Variants in PAX2 observed in about 807,000 individuals in gnomAD.
PAX2 encodes the protein paired box protein Pax-2.
A neutral mutation model predicts 41.7 loss-of-function variants in PAX2; 9 were observed. The observed-to-expected ratio is 0.22, with a 90% CI of 0.13 to 0.38. The LOEUF is 0.38. Among genes scored for constraint, PAX2 ranks in the 10% least tolerant of loss-of-function variants. PAX2 has a pLI of 1.00. For missense variants in PAX2, 418 were observed against 531.6 expected, an observed-to-expected ratio of 0.79 and a Z score of 2.10; for synonymous variants, 221 against 212.7, an observed-to-expected ratio of 1.04 and a Z score of -0.34.
At chr10:100,742,843 C>CTTTTTTTTTTTTTTTTTTTTTTTT (rs61627823), upstream of PAX2, among the ~76,000 whole-genome samples, 20 of 41,258 alleles carry the variant, frequency 4.8e-4, 8 homozygotes, top group South Asian at 1.1e-3. Flanking sequence ...TTCTTTCTTC[C>CTTTTTTTTTTTTTTTTTTTTTTTT]TTTTTTTTTT....
chr10:100,800,273 C>CTTTTTTTTT (rs59487758), intron 5 of PAX2, among the ~76,000 whole-genome samples: 19 of 108,386 alleles, frequency 1.8e-4, no homozygotes, highest in Non-Finnish European at 2.6e-4. Flanking sequence ...TCTTTTCTTT[C>CTTTTTTTTT]TTTTTTTTTT....
chr10:100,826,940 A>G lies in PAX2; in HGVS notation c.1022-69A>G. On this transcript the variant is annotated intron_variant, in intron 8 of 9. Coordinates refer to ENST00000355243, the MANE Select transcript of PAX2 (RefSeq NM_000278.5). This position sits in a 1 kb window ranked among gnomAD's most constrained non-coding sequence, Gnocchi z 5.5. ...GGCGGGAGGAGCGGGCGGAGAAGCC[A>G]CCGGCCGGACTCGTGGGGTCCGCCC... 9.3e-6 allele frequency: 10 copies of G among 1,080,030 alleles called. No individual in the cohort carries two copies. Among genetic ancestry groups the G allele is most frequent in the Non-Finnish European group, 1.4e-5 (10 of 702,384 alleles). The allele number at this position is 1,080,030 out of a possible 1,614,324, so 66.9% of individuals were successfully genotyped here.
At chr10:100,735,677 C>T (rs964008632) in exon 1 of PAX2, 5 of 1,058,176 alleles carry the variant, frequency 4.7e-6, no homozygotes, top group East Asian at 1.0e-4. Context: ...CCAGACCCAG[C>T]CCCAGGACGC....
intron 1 of PAX2, among the ~76,000 whole-genome samples, chr10:100,738,750 G>C (rs1420520154): frequency 6.6e-6 from 1 of 152,110 alleles, no homozygotes. Flanking sequence ...TTTAGGAACA[G>C]TTACACAAAG....
chr10:100,745,870 A>C lies in PAX2; in HGVS notation c.-391A>C. On this transcript the variant is annotated 5_prime_UTR_variant, in exon 1 of 10. Coordinates refer to ENST00000355243, the MANE Select transcript of PAX2 (RefSeq NM_000278.5). ...CCCCCGCCCCGCGCGCTCTCCGACC[A>C]CCGCCTCTCGGATGACCAGGTTCCA... The C allele has an allele frequency of 1.9e-6, 2 of 1,069,592 alleles. No homozygotes were observed. Among genetic ancestry groups the C allele is most frequent in the South Asian group, 4.1e-5 (1 of 24,514 alleles). 66.3% of individuals were successfully genotyped at this position (1,069,592 alleles called of 1,614,324 possible).
intron 3 of PAX2, among the ~76,000 whole-genome samples, chr10:100,777,584 G>A (rs111255940): frequency 5.9e-5 from 9 of 151,990 alleles, no homozygotes; most frequent in African/African-American, 2.2e-4. Context: ...TAGTAGAGTC[G>A]AGATTTCACC....
intron 5 of PAX2, among the ~76,000 whole-genome samples, chr10:100,801,568 A>G (rs1847565455): frequency 6.6e-6 from 1 of 152,232 alleles, no homozygotes; most frequent in Non-Finnish European, 1.5e-5. Flanking sequence ...CAGTTGTGTG[A>G]CCTTGGAAAA....
At chr10:100,799,789 C>CT (rs56012188) in intron 5 of PAX2, among the ~76,000 whole-genome samples, 1,704 of 89,886 alleles carry the variant, frequency 0.019, 79 homozygotes, top group South Asian at 0.051. Flanking sequence ...TAGTGTAATT[C>CT]TTTTTTTTTT....
intron 5 of PAX2, among the ~76,000 whole-genome samples, chr10:100,801,710 A>G (rs990545890): frequency 6.6e-6 from 1 of 152,238 alleles, no homozygotes; most frequent in African/African-American, 2.4e-5. Flanking sequence ...GGAGGGTGCC[A>G]GGCAAAGAAC....
At chr10:100,786,377 A>T (rs1053207100) in intron 5 of PAX2, among the ~76,000 whole-genome samples, 11 of 152,220 alleles carry the variant, frequency 7.2e-5, no homozygotes, top group Non-Finnish European at 1.5e-4. Context: ...TCTTTTTCTA[A>T]CATGTGGGCA....
At chr10:100,781,125 G>A in intron 4 of PAX2, 121 bp from the exon 5 acceptor site, 1 of 922,276 alleles carries the variant, frequency 1.1e-6, no homozygotes, top group Non-Finnish European at 1.8e-6. Flanking sequence ...AGAGGAACGT[G>A]GGCTCCTCAT....
chr10:100,768,060 C>T (rs934064316), intron 3 of PAX2, among the ~76,000 whole-genome samples: 11 of 149,346 alleles, frequency 7.4e-5, no homozygotes, highest in East Asian at 5.9e-4. Flanking sequence ...CATTTATGTA[C>T]GTCAATACTG....
Position 100,829,175 on chromosome 10 carries a change from G to A in PAX2, c.*1556G>A, listed in dbSNP as rs1848693479. On this transcript the variant is annotated 3_prime_UTR_variant, in exon 10 of 10. Transcript: ENST00000355243. ...GTGGACTCCTCTGGCCTGTTTTGTT[G>A]GCTCTTTCTCTGTAATTCCGTGTTT... is the stretch of plus-strand genomic sequence containing the variant. 4.3e-6 allele frequency: 1 copy of A among 232,456 alleles called. No homozygotes were observed. Among genetic ancestry groups the A allele is most frequent in the Non-Finnish European group, 8.5e-6 (1 of 117,340 alleles). The allele number at this position is 232,456 out of a possible 1,614,324, so 14.4% of individuals were successfully genotyped here. A position where few individuals can be genotyped will look rare whatever the true frequency, so the allele number is the denominator to read the frequency against.
intron 5 of PAX2, among the ~76,000 whole-genome samples, chr10:100,789,776 G>C (rs569883043): frequency 7.2e-5 from 11 of 152,304 alleles, no homozygotes; most frequent in Admixed American, 3.3e-4. Context: ...AAATTAAACT[G>C]TTCATACCTG....
At position 100,746,249 on chromosome 10, in the gene PAX2, C is replaced by T. The variant is rs1018099927; in HGVS notation, c.-12C>T. 6.2e-7 allele frequency: 1 copy of T among 1,613,758 alleles called. No homozygotes were observed. The highest frequency in any genetic ancestry group is 1.7e-5 in the Admixed American group (1 of 60,018). On this transcript the variant is annotated 5_prime_UTR_variant, in exon 1 of 10. Coordinates refer to ENST00000355243, the MANE Select transcript of PAX2 (RefSeq NM_000278.5). ...GGCGGCGGCCGCGCTGCTCCCGCTC[C>T]TCTGCCTCCCCATGGATATGCACTG...
chr10:100,804,993 C>T (rs914396264), intron 5 of PAX2, among the ~76,000 whole-genome samples: 1 of 146,682 alleles, frequency 6.8e-6, no homozygotes, highest in Non-Finnish European at 1.5e-5. Context: ...CTCTCTCTCT[C>T]TCTCCTTCTC....
intron 7 of PAX2, among the ~76,000 whole-genome samples, chr10:100,820,446 C>T (rs758265045): frequency 5.9e-5 from 9 of 152,168 alleles, no homozygotes; most frequent in Non-Finnish European, 1.2e-4. Context: ...TGGCCAGGCG[C>T]GGTGGCTTAT....
In PAX2 at chr10:100,763,456, G is replaced by A. The variant is rs151027020; in HGVS notation, c.410+12565G>A. ...ATTAGAAAGCATCTTTGATGTGTTC[G>A]AGTCTGATTTCTGGCTTGAAAGGAG... On this transcript the variant is annotated intron_variant, in intron 3 of 9. Transcript: ENST00000355243. Among the ~76,000 whole-genome samples, 1,171 of 152,294 alleles carry A rather than the reference G, an allele frequency of 7.7e-3. 20 individuals are homozygous for A. The highest frequency in any genetic ancestry group is 0.027 in the African/African-American group (1,119 of 41,562).
At chr10:100,780,461 A>G (rs999590892) in intron 4 of PAX2, among the ~76,000 whole-genome samples, 1 of 152,272 alleles carries the variant, frequency 6.6e-6, no homozygotes, top group East Asian at 1.9e-4. Flanking sequence ...ACCAGCAGGT[A>G]ATAGAAATGA....
Sources: gnomAD v4.1 joint callset for allele counts (sites outside exome capture counted in the v4.1 genomes callset) on GRCh38, gnomAD v4.1.1 for gene constraint, Gnocchi (gnomAD v3.1) non-coding constraint, MANE v1.5 for transcripts, NCBI Gene and HGNC (gene_info 2026-07-23, HGNC 2026-07-21) for gene names.